The following CLN3 variants were observed in gnomAD, a reference collection of about 807,000 sequenced individuals.
CLN3 encodes the protein CLN3 lysosomal/endosomal transmembrane protein, battenin, also known as battenin.
A neutral mutation model predicts 60.7 loss-of-function variants in CLN3; 49 were observed. The observed-to-expected ratio is 0.81, with a 90% CI of 0.64 to 1.02. The LOEUF is 1.02. CLN3 is among the 50% of genes least tolerant of loss of function. The pLI is 0.00. For synonymous variants in CLN3, 256 were observed against 245.8 expected (o/e 1.04, Z -0.39); for missense variants, 516 against 557.4 (o/e 0.93, Z 0.75).
chr16:28,470,483 G>T (rs1160669199), downstream of CLN3: 3 of 1,534,908 alleles, frequency 2.0e-6, no homozygotes, highest in Non-Finnish European at 2.6e-6. Context: ...GGACAGAGGT[G>T]GAGGTGGCTT....
At chr16:28,490,301 G>A (rs2141719493) in intron 3 of CLN3, 1 of 151,918 alleles carries the variant, frequency 6.6e-6, no homozygotes, top group South Asian at 2.1e-4. Context: ...AAAATTAGCT[G>A]TGTCTGGTGG....
intron 7 of CLN3, 105 bp from the exon 8 acceptor site, chr16:28,486,755 T>C: frequency 9.3e-7 from 1 of 1,072,102 alleles, no homozygotes; most frequent in Non-Finnish European, 1.4e-6. Context: ...TCATAGAGGC[T>C]CCAATAGATC....
At chr16:28,488,548 G>A in intron 5 of CLN3, 43 bp downstream of exon 5, 4 of 1,585,586 alleles carry the variant, frequency 2.5e-6, no homozygotes, top group Non-Finnish European at 3.5e-6. Flanking sequence ...TATAGACCCA[G>A]GGGCCCTGGG....
chr16:28,487,185 A>T (rs2046234229), intron 7 of CLN3: 2 of 541,472 alleles, frequency 3.7e-6, no homozygotes, highest in African/African-American at 3.8e-5. Flanking sequence ...TGCTGGGATT[A>T]TAGGCATGAG....
chr16:28,481,559 T>C (rs1877386749), intron 14 of CLN3, among the ~76,000 whole-genome samples: 1 of 152,126 alleles, frequency 6.6e-6, no homozygotes, highest in Non-Finnish European at 1.5e-5. Flanking sequence ...ACACCCAATT[T>C]ATACATGAGG....
chr16:28,491,199 C>A (rs1003664552), intron 3 of CLN3: 3 of 466,164 alleles, frequency 6.4e-6, no homozygotes, highest in African/African-American at 3.9e-5. Flanking sequence ...TTAAAGTTTT[C>A]TTTTTAAAAA....
chr16:28,470,290 A>T (rs2045936440), downstream of CLN3: 2 of 1,394,258 alleles, frequency 1.4e-6, no homozygotes, highest in South Asian at 2.5e-5. Context: ...TGCTGGGATT[A>T]CAGGCCTGAG....
At chr16:28,489,433 A>G in intron 3 of CLN3, 47 bp from the exon 4 acceptor site, 1 of 1,389,392 alleles carries the variant, frequency 7.2e-7, no homozygotes, top group Non-Finnish European at 1.0e-6. Context: ...TCCTGCAGCC[A>G]TCTGTAGCCT....
chr16:28,486,443 A>G lies in CLN3; in HGVS notation c.581T>C (p.Leu194Pro), dbSNP rs751799615. ...WSSGTGGAGLLGALSYLGLTQ... is the reference protein window; with the variant it reads ...WSSGTGGAGLPGALSYLGLTQ... ...GAGGCCCAGGTAGGACAGGGCCCCC[A>G]GCAGCCCAGCTCCCCCAGTCCCTGA... The change falls in exon 9 of 16, where the codon CTG becomes CCG. Residue 194 changes from leucine to proline, a missense_variant. By Grantham distance (98) the Leu-to-Pro change is moderately conservative. Coordinates refer to ENST00000636147, the MANE Select transcript of CLN3 (RefSeq NM_001042432.2). The G allele has an allele frequency of 1.2e-6, 2 of 1,613,242 alleles. No homozygotes were observed. The highest frequency in any genetic ancestry group is 2.2e-5 in the South Asian group (2 of 90,982).
intron 9 of CLN3, among the ~76,000 whole-genome samples, chr16:28,485,492 C>G (rs368679196): frequency 5.9e-5 from 8 of 135,496 alleles, no homozygotes; most frequent in African/African-American, 2.2e-4. Context: ...CACTAGAGCC[C>G]GGGAGGCCGA....
intron 3 of CLN3, 120 bp from the exon 4 acceptor site, chr16:28,489,506 A>AC: frequency 1.4e-6 from 1 of 736,334 alleles, no homozygotes; most frequent in Non-Finnish European, 2.4e-6. Flanking sequence ...TCCCTCTATC[A>AC]CCAGATCCCA....
rs766238150 is a variant in CLN3 at position 28,478,617 on chromosome 16, T to TAAA, written c.1057-743_1057-741dup. Among the ~76,000 whole-genome samples, 100 of 74,342 alleles carry TAAA rather than the reference T, an allele frequency of 1.3e-3. 1 individual carries two copies. Among genetic ancestry groups the TAAA allele is most frequent in the African/African-American group, 2.8e-3 (37 of 13,098 alleles). The allele number at this position is 74,342 out of a possible 152,430, so 48.8% of individuals were successfully genotyped here. On this transcript the variant is annotated intron_variant, in intron 14 of 15. Transcript: ENST00000636147. ...GGTGACAGAGCAAGATCCTGTCTCA[T>TAAA]AAAAAAAAAAAAAAAAAAAAAAAAA... is the stretch of plus-strand genomic sequence containing the variant.
At chr16:28,483,648 C>G (rs1256676688) in intron 10 of CLN3, among the ~76,000 whole-genome samples, 1 of 151,798 alleles carries the variant, frequency 6.6e-6, no homozygotes, top group Non-Finnish European at 1.5e-5. Flanking sequence ...GATTGGAATG[C>G]CTGGCACATG....
intron 10 of CLN3, 59 bp downstream of exon 10, chr16:28,483,947 G>C (rs541806478): frequency 3.7e-5 from 47 of 1,282,796 alleles, no homozygotes; most frequent in Non-Finnish European, 4.7e-5. Context: ...ATTGCAGAGA[G>C]GAAAAGGCCA....
intron 9 of CLN3, among the ~76,000 whole-genome samples, 200 bp downstream of exon 9, chr16:28,486,147 G>A (rs546186807): frequency 6.6e-6 from 1 of 152,074 alleles, no homozygotes; most frequent in Admixed American, 6.5e-5. Flanking sequence ...ACAGGCACCC[G>A]CCACCACACC....
chr16:28,469,702 AT>A, downstream of CLN3: 1 of 379,544 alleles, frequency 2.6e-6, no homozygotes, highest in Non-Finnish European at 5.0e-6. Flanking sequence ...AAGGTTATAT[AT>A]TTTGGCCAGG....
rs770630584 is a variant in CLN3 at position 28,491,473 on chromosome 16, G to A, written c.125+9C>T. 2 of 1,612,872 alleles carry A rather than the reference G, an allele frequency of 1.2e-6. No homozygotes were observed. Among genetic ancestry groups the A allele is most frequent in the South Asian group, 1.1e-5 (1 of 90,960 alleles). On this transcript the variant is annotated intron_variant, in intron 3 of 15. Transcript: ENST00000636147. ...CCATTGTCACTCGCTGAAGTCTCAG[G>A]CCACTCACCAGAAGCCCACCGCGTT...
chr16:28,490,151 C>G (rs1232895594), intron 3 of CLN3, among the ~76,000 whole-genome samples: 1 of 151,738 alleles, frequency 6.6e-6, no homozygotes, highest in East Asian at 2.0e-4. Context: ...TCCCAAAGCC[C>G]CTATGTCAGG....
chr16:28,487,044 G>A (rs889258700), intron 7 of CLN3: 42 of 360,970 alleles, frequency 1.2e-4, no homozygotes, highest in Non-Finnish European at 2.0e-4. Context: ...CCGAGTAGCT[G>A]GGATTACAGG....
Sources: allele counts gnomAD v4.1 joint callset (sites outside exome capture counted in the v4.1 genomes callset), GRCh38; gene constraint gnomAD v4.1.1; transcripts MANE v1.5; gene names NCBI Gene and HGNC (gene_info 2026-07-23, HGNC 2026-07-21).